ZDBF2: variants seen among roughly 807,000 people sequenced by gnomAD.
ZDBF2 encodes the protein DBF4-type zinc finger-containing protein 2.
A neutral mutation model predicts 9.4 loss-of-function variants in ZDBF2; 6 were observed. The ratio of observed to expected loss-of-function variants is 0.64; its 90% CI spans 0.35 to 1.27. ZDBF2 has a LOEUF of 1.27. Ranked by LOEUF, ZDBF2 falls within the 50% of genes most tolerant of loss-of-function variation. The pLI is 0.03. For missense variants in ZDBF2, 2,697 were observed against 2,766.8 expected, an observed-to-expected ratio of 0.97 and a Z score of 0.57; for synonymous variants, 905 against 946.3, an observed-to-expected ratio of 0.96 and a Z score of 0.80.
rs1450123094 is a variant in ZDBF2, at chr2:206,308,466, A to G, written c.3938A>G (p.Glu1313Gly). 1 of 1,613,542 alleles carries G rather than the reference A, an allele frequency of 6.2e-7. No homozygotes were observed. Among genetic ancestry groups the G allele is most frequent in the East Asian group, 2.2e-5 (1 of 44,892 alleles). Residue 1313 changes from glutamate (E) to glycine (G), a missense_variant, in exon 5 of 5, where the codon GAA becomes GGA. Around this residue, in one of 3 missense-constraint regions of ZDBF2, gnomAD observed 1,783 missense variants for 1,776.5 expected, o/e 1.00. Coordinates refer to ENST00000374423, the MANE Select transcript of ZDBF2 (RefSeq NM_020923.3). Reference protein sequence around the residue: ...ANKEINLLREEHVCLDDKGYV... With the variant: ...ANKEINLLREGHVCLDDKGYV... ...AAAGAAATAAATCTTTTGAGGGAGG[A>G]ACATGTTTGTCTGGATGATAAGGGC...
Position 206,306,605 on chromosome 2 carries a change from G to A in ZDBF2, c.2077G>A (p.Asp693Asn). The A allele has an allele frequency of 6.2e-7, 1 of 1,613,682 alleles. No individual in the cohort carries two copies. The highest frequency in any genetic ancestry group is 8.5e-7 in the Non-Finnish European group (1 of 1,179,766). The change falls in exon 5 of 5, where the codon GAC becomes AAC. Residue 693 changes from aspartate (D) to asparagine (N), a missense_variant. By Grantham distance (23) the Asp-to-Asn change is conservative (BLOSUM62 1). Around this residue, in one of 3 missense-constraint regions of ZDBF2, gnomAD observed 910 missense variants for 973.6 expected, o/e 0.93. Transcript: ENST00000374423. ...AEIERQKVDV[D>N]LENKSVQSSR... ...AATAGAGCGTCAGAAAGTGGATGTT[G>A]ACCTTGAGAATAAGAGTGTTCAGTC...
intron 3 of ZDBF2, among the ~76,000 whole-genome samples, chr2:206,291,390 C>T (rs970096625): frequency 3.9e-5 from 6 of 152,174 alleles, no homozygotes; most frequent in South Asian, 2.1e-4. Context: ...CAGGTGGAAA[C>T]GCTTGCTTGC....
chr2:206,304,870 T>C lies in ZDBF2; in HGVS notation c.342T>C (p.Ile114=), dbSNP rs766823426. Reference sequence around the variant, plus strand: ...GACCATCCGAGGTTTCAGAACCTATTGAAGAGTTACATTCCAGACCTCATA... The same window carrying C: ...GACCATCCGAGGTTTCAGAACCTATCGAAGAGTTACATTCCAGACCTCATA... ...EERPSEVSEP[I]EELHSRPHKS... The change falls in exon 5 of 5, where the codon ATT becomes ATC. Residue 114 remains isoleucine, a synonymous_variant. Transcript: ENST00000374423. The C allele has an allele frequency of 6.2e-7, 1 of 1,613,586 alleles. No homozygotes were observed. The highest frequency in any genetic ancestry group is 8.5e-7 in the Non-Finnish European group (1 of 1,179,788).
intron 1 of ZDBF2, among the ~76,000 whole-genome samples, chr2:206,278,540 C>T (rs1168706071): frequency 6.6e-6 from 1 of 152,188 alleles, no homozygotes; most frequent in Non-Finnish European, 1.5e-5. Context: ...TTGAATACTA[C>T]CATGTCAAAA....
chr2:206,296,726 G>A (rs370116318), intron 3 of ZDBF2, among the ~76,000 whole-genome samples: 17 of 152,104 alleles, frequency 1.1e-4, no homozygotes, highest in East Asian at 3.9e-4. Context: ...TCTAAATCCA[G>A]CGCCATAGAC....
chr2:206,291,116 C>T (rs1188995636), intron 3 of ZDBF2, among the ~76,000 whole-genome samples: 2 of 152,110 alleles, frequency 1.3e-5, no homozygotes, highest in African/African-American at 4.8e-5. Context: ...GCTCAGGCTG[C>T]CATAATAAAA....
Position 206,309,181 on chromosome 2 carries a change from C to G in ZDBF2, c.4653C>G (p.Asp1551Glu), listed in dbSNP as rs749052654. The G allele has an allele frequency of 6.2e-7, 1 of 1,609,892 alleles. No homozygotes were observed. Among genetic ancestry groups the G allele is most frequent in the Admixed American group, 1.7e-5 (1 of 59,294 alleles). Residue 1551 changes from aspartate (D) to glutamate (E), a missense_variant, in exon 5 of 5, where the codon GAC (aspartate) becomes GAG (glutamate). Transcript: ENST00000374423. ...SDDIPLQLVT[D>E]PPQLTVKDIS... ...ATATTCCCCTTCAGTTAGTGACTGA[C>G]CCACCTCAGTTGACTGTCAAAGATA...
In ZDBF2 at chr2:206,311,555, C is replaced by G. The variant is rs1257364790; in HGVS notation, c.7027C>G (p.Arg2343Gly). The change falls in exon 5 of 5, where the codon CGG becomes GGG. Residue 2343 changes from arginine to glycine, a missense_variant. By Grantham distance (125) the Arg-to-Gly change is moderately radical. Around this residue, in one of 3 missense-constraint regions of ZDBF2, gnomAD observed 1,783 missense variants for 1,776.5 expected, o/e 1.00. Coordinates refer to ENST00000374423, the MANE Select transcript of ZDBF2 (RefSeq NM_020923.3). ...CLQQRERMMTRLANKLRGNEV... is the reference protein window; with the variant it reads ...CLQQRERMMTGLANKLRGNEV... ...ACAACAACGTGAGAGAATGATGACT[C>G]GGCTAGCAAACAAACTGAGAGGTAA... 4 of 1,525,082 alleles carry G rather than the reference C, an allele frequency of 2.6e-6. No homozygotes were observed. The African/African-American group carries it at 4.2e-5, about 16-fold the overall frequency. 94.5% of individuals were successfully genotyped at this position (1,525,082 alleles called of 1,614,324 possible).
In ZDBF2 at chr2:206,307,202, A is replaced by G. The variant is rs1692851528; in HGVS notation, c.2674A>G (p.Lys892Glu). Residue 892 changes from lysine (K) to glutamate (E), a missense_variant, in exon 5 of 5, where the codon AAA becomes GAA. Around this residue, in one of 3 missense-constraint regions of ZDBF2, gnomAD observed 1,783 missense variants for 1,776.5 expected, o/e 1.00. Coordinates refer to ENST00000374423, the MANE Select transcript of ZDBF2 (RefSeq NM_020923.3). ...SVTNSPEVAV[K>E]KLNPQKEEQV... ...GACTAATTCTCCCGAAGTAGCTGTT[A>G]AAAAGCTAAATCCTCAAAAAGAAGA... 6.2e-7 allele frequency: 1 copy of G among 1,612,524 alleles called. No individual in the cohort carries two copies. The highest frequency in any genetic ancestry group is 1.1e-5 in the South Asian group (1 of 90,662).
chr2:206,297,399 T>G, intron 4 of ZDBF2, 26 bp downstream of exon 4: 4 of 1,585,966 alleles, frequency 2.5e-6, no homozygotes, highest in Non-Finnish European at 3.4e-6. Flanking sequence ...GGAATAATAT[T>G]TATACGTAGT....
chr2:206,301,907 G>A (rs1450596842), intron 4 of ZDBF2, among the ~76,000 whole-genome samples: 1 of 150,764 alleles, frequency 6.6e-6, no homozygotes, highest in East Asian at 1.9e-4. Context: ...TTAAAAATAT[G>A]ATGTTTTTAT....
intron 3 of ZDBF2, among the ~76,000 whole-genome samples, chr2:206,290,512 T>C (rs1691833766): frequency 6.6e-6 from 1 of 152,220 alleles, no homozygotes; most frequent in Non-Finnish European, 1.5e-5. Context: ...ACGCAGAGCT[T>C]TAAAATCTTT....
At chr2:206,289,863 C>T (rs1329368055) in intron 3 of ZDBF2, among the ~76,000 whole-genome samples, 1 of 152,130 alleles carries the variant, frequency 6.6e-6, no homozygotes, top group Non-Finnish European at 1.5e-5. Flanking sequence ...GAAGTTCTTC[C>T]TGGTTCCCAG....
rs200697237 is a variant in ZDBF2 at position 206,307,955 on chromosome 2, G to A, written c.3427G>A (p.Glu1143Lys). The A allele has an allele frequency of 5.8e-5, 94 of 1,613,570 alleles. No individual in the cohort carries two copies. In the African/African-American group the frequency reaches 1.1e-3, roughly 19 times the overall value. ...VAIKHVNLGNENHMYLEVKNS... is the reference protein window; with the variant it reads ...VAIKHVNLGNKNHMYLEVKNS... ...TATTAAACATGTGAACCTTGGGAAT[G>A]AAAACCATATGTACTTGGAAGTTAA... is the stretch of plus-strand genomic sequence containing the variant. Residue 1143 changes from glutamate to lysine, a missense_variant, in exon 5 of 5, where the codon GAA becomes AAA. Around this residue, in one of 3 missense-constraint regions of ZDBF2, gnomAD observed 1,783 missense variants for 1,776.5 expected, o/e 1.00. Coordinates refer to ENST00000374423, the MANE Select transcript of ZDBF2 (RefSeq NM_020923.3).
chr2:206,285,261 C>T (rs949252077), intron 3 of ZDBF2, among the ~76,000 whole-genome samples: 2 of 152,050 alleles, frequency 1.3e-5, no homozygotes, highest in Non-Finnish European at 2.9e-5. Context: ...ATTTGTATTC[C>T]CACCAACAGT....
Position 206,305,381 on chromosome 2 carries a change from G to C in ZDBF2, c.853G>C (p.Gly285Arg). Residue 285 changes from glycine (G) to arginine (R), a missense_variant, in exon 5 of 5, where the codon GGC becomes CGC. Physicochemically the swap from Gly to Arg is moderately radical, Grantham distance 125. Transcript: ENST00000374423. ...VKSQGKTLSA[G>R]LKFHERMGTK... ...ATCTCAGGGTAAAACTTTATCAGCT[G>C]GCTTGAAATTCCATGAACGCATGGG... 1 of 1,613,192 alleles carries C rather than the reference G, an allele frequency of 6.2e-7. No individual in the cohort carries two copies. Among genetic ancestry groups the C allele is most frequent in the Non-Finnish European group, 8.5e-7 (1 of 1,179,566 alleles).
intron 3 of ZDBF2, among the ~76,000 whole-genome samples, chr2:206,284,160 G>A (rs1178967127): frequency 6.6e-6 from 1 of 151,906 alleles, no homozygotes; most frequent in East Asian, 1.9e-4. Flanking sequence ...TATAGGGTGT[G>A]AGATAGGGCT....
intron 3 of ZDBF2, among the ~76,000 whole-genome samples, chr2:206,283,620 T>C (rs12694050): frequency 0.54 from 81,598 of 152,066 alleles, 22,543 homozygotes; most frequent in Non-Finnish European, 0.6. Context: ...CTTTATCAGA[T>C]GTATGATTTA....
Position 206,311,718 on chromosome 2 carries a change from T to C in ZDBF2, c.*125T>C. 1.9e-6 allele frequency: 2 copies of C among 1,039,512 alleles called. No homozygotes were observed. The highest frequency in any genetic ancestry group is 9.6e-5 in the South Asian group (2 of 20,916). 64.4% of individuals were successfully genotyped at this position (1,039,512 alleles called of 1,614,324 possible). A position where few individuals can be genotyped will look rare whatever the true frequency, so the allele number is the denominator to read the frequency against. ...TAATCTTGAACTATTTTGCTATAAA[T>C]ATTATTTTTCAGAATTTTTATATTC... On this transcript the variant is annotated 3_prime_UTR_variant, in exon 5 of 5. Transcript: ENST00000374423.
Sources: allele counts gnomAD v4.1 joint callset (sites outside exome capture counted in the v4.1 genomes callset), GRCh38; gene constraint gnomAD v4.1.1; regional missense constraint gnomAD v4.1.1; transcripts MANE v1.5; gene names NCBI Gene and HGNC (gene_info 2026-07-23, HGNC 2026-07-21).